Variants in RNF228 observed in about 807,000 individuals in gnomAD.
RNF228 encodes the protein ring finger protein 228.
At chr2:222,319,579 G>A in the RNF228 span, among the ~76,000 whole-genome samples, 1 of 146,334 alleles carries the variant, frequency 6.8e-6, no homozygotes, top group East Asian at 2.0e-4. The surrounding 1 kb of genome is among the most constrained non-coding windows in gnomAD (Gnocchi z 7.6). Context: ...GGCGGGAGGC[G>A]GTCCTGGGGC....
At chr2:222,318,987 G>T in the RNF228 span, 1 of 153,748 alleles carries the variant, frequency 6.5e-6, no homozygotes, top group Non-Finnish European at 1.5e-5. Flanking sequence ...CCCGCCACGC[G>T]GGGCTGGAGG....
At chr2:222,314,495 A>G in the RNF228 span, among the ~76,000 whole-genome samples, 1 of 152,360 alleles carries the variant, frequency 6.6e-6, no homozygotes, top group African/African-American at 2.4e-5. Context: ...CAAATACAAT[A>G]AAAAACATAT....
At chr2:222,318,771 A>ACCCC in the RNF228 span, 2 of 102,366 alleles carry the variant, frequency 2.0e-5, no homozygotes, top group Non-Finnish European at 4.0e-5. Flanking sequence ...GGCAAAAGAG[A>ACCCC]CCCCCCCCCC....
At chr2:222,318,295 C>T in the RNF228 span, 1 of 152,276 alleles carries the variant, frequency 6.6e-6, no homozygotes, top group Non-Finnish European at 1.5e-5. Context: ...CAGGGCCCAC[C>T]GCCCTGGGCG....
At chr2:222,314,183 A>G in the RNF228 span, among the ~76,000 whole-genome samples, 1 of 152,144 alleles carries the variant, frequency 6.6e-6, no homozygotes, top group Non-Finnish European at 1.5e-5. Flanking sequence ...TATAATCAGA[A>G]ATTATTGTGA....
At chr2:222,315,174 G>T in the RNF228 span, among the ~76,000 whole-genome samples, 1 of 152,040 alleles carries the variant, frequency 6.6e-6, no homozygotes, top group Middle Eastern at 3.4e-3. Flanking sequence ...GTCAGTGTGA[G>T]TCTGGAAAGC....
the RNF228 span, among the ~76,000 whole-genome samples, chr2:222,320,041 C>T: frequency 6.6e-6 from 1 of 152,180 alleles, no homozygotes; most frequent in Non-Finnish European, 1.5e-5. Context: ...TGGCTGCCGC[C>T]GCTGTCGCTC....
chr2:222,318,990 GC>G, the RNF228 span: 1 of 153,806 alleles, frequency 6.5e-6, no homozygotes, highest in Admixed American at 6.5e-5. Context: ...GCCACGCGGG[GC>G]TGGAGGTGCA....
the RNF228 span, chr2:222,317,941 T>A: frequency 2.0e-5 from 3 of 152,318 alleles, no homozygotes; most frequent in African/African-American, 7.2e-5. Flanking sequence ...ACTCGAGGTA[T>A]GGGAATAATG....
the RNF228 span, chr2:222,319,081 C>T: frequency 5.6e-6 from 1 of 178,218 alleles, no homozygotes; most frequent in Non-Finnish European, 1.2e-5. The surrounding 1 kb of genome is among the most constrained non-coding windows in gnomAD (Gnocchi z 7.6). Context: ...CTCGGGCCGC[C>T]GCCGCCGCCG....
the RNF228 span, chr2:222,319,270 CG>C: frequency 3.0e-6 from 1 of 338,284 alleles, no homozygotes. This position sits in a 1 kb window ranked among gnomAD's most constrained non-coding sequence, Gnocchi z 7.6. Context: ...GCCCCGCCTC[CG>C]GGGGTTCCCC....
At chr2:222,319,273 G>A in the RNF228 span, 43 of 339,090 alleles carry the variant, frequency 1.3e-4, no homozygotes, top group Non-Finnish European at 2.2e-4. The surrounding 1 kb of genome is among the most constrained non-coding windows in gnomAD (Gnocchi z 7.6). Context: ...CCGCCTCCGG[G>A]GGTTCCCCCG....
the RNF228 span, among the ~76,000 whole-genome samples, chr2:222,316,868 G>A: frequency 1.3e-5 from 2 of 152,176 alleles, no homozygotes; most frequent in Non-Finnish European, 2.9e-5. Flanking sequence ...AGACATGGGG[G>A]TATAAATAAA....
At chr2:222,318,154 C>T in the RNF228 span, 2 of 152,236 alleles carry the variant, frequency 1.3e-5, no homozygotes, top group African/African-American at 4.8e-5. Flanking sequence ...GAAGGGAGAA[C>T]AGGCTCTTTA....
chr2:222,319,965 T>G, the RNF228 span, among the ~76,000 whole-genome samples: 1 of 152,108 alleles, frequency 6.6e-6, no homozygotes, highest in South Asian at 2.1e-4. This position sits in a 1 kb window ranked among gnomAD's most constrained non-coding sequence, Gnocchi z 7.6. Context: ...GTCTCCGCAG[T>G]CCGGGGCTCC....
chr2:222,318,120 G>A, the RNF228 span: 1 of 152,216 alleles, frequency 6.6e-6, no homozygotes, highest in East Asian at 1.9e-4. Flanking sequence ...TCCAGGTGGG[G>A]GCAACCGTAA....
At chr2:222,319,288 C>G in the RNF228 span, 1 of 343,144 alleles carries the variant, frequency 2.9e-6, no homozygotes, top group Non-Finnish European at 5.3e-6. This position sits in a 1 kb window ranked among gnomAD's most constrained non-coding sequence, Gnocchi z 7.6. Context: ...CCCCCGCCGC[C>G]GTAGTGGTTG....
chr2:222,314,253 G>T, the RNF228 span, among the ~76,000 whole-genome samples: 1 of 152,316 alleles, frequency 6.6e-6, no homozygotes, highest in African/African-American at 2.4e-5. Context: ...TAAGAGTACA[G>T]AAGGCTTAGA....
At chr2:222,316,048 G>T in the RNF228 span, among the ~76,000 whole-genome samples, 2 of 151,636 alleles carry the variant, frequency 1.3e-5, no homozygotes, top group African/African-American at 4.9e-5. Flanking sequence ...GAGTTGCCAT[G>T]GGAAGGGAAA....
Sources: gnomAD v4.1 joint callset for allele counts (sites outside exome capture counted in the v4.1 genomes callset) on GRCh38, gnomAD v4.1.1 for gene constraint, Gnocchi (gnomAD v3.1) non-coding constraint, MANE v1.5 for transcripts, NCBI Gene and HGNC (gene_info 2026-07-23, HGNC 2026-07-21) for gene names.